The following FAF1 variants were observed in gnomAD, a reference collection of about 807,000 sequenced individuals.
FAF1 encodes FAS-associated factor 1.
Under a neutral mutation model 92.5 loss-of-function variants are expected in FAF1, and 25 were observed. That is an observed-to-expected ratio of 0.27 (90% CI 0.20 to 0.38). FAF1 has a LOEUF of 0.38. FAF1 is among the 10% of genes least tolerant of loss of function. The pLI is 1.00. For synonymous variants in FAF1, 234 were observed against 273.2 expected (o/e 0.86, Z 1.42); for missense variants, 636 against 793.3 (o/e 0.80, Z 2.38).
intron 1 of FAF1, among the ~76,000 whole-genome samples, chr1:50,933,528 T>C (rs532615730): frequency 4.6e-5 from 7 of 152,350 alleles, no homozygotes; most frequent in Non-Finnish European, 1.0e-4. Context: ...AATAGTATTT[T>C]TGTCAAAGCC....
chr1:50,770,751 A>T (rs185305860), intron 4 of FAF1, among the ~76,000 whole-genome samples: 1 of 152,334 alleles, frequency 6.6e-6, no homozygotes, highest in East Asian at 1.9e-4. Context: ...AGAAAAGACT[A>T]TTTTAAAATT....
At chr1:50,903,662 G>T (rs1161969778) in intron 1 of FAF1, among the ~76,000 whole-genome samples, 1 of 152,108 alleles carries the variant, frequency 6.6e-6, no homozygotes, top group Non-Finnish European at 1.5e-5. Context: ...AAAGATAAAA[G>T]AAAAAATTCA....
chr1:50,717,048 G>A (rs1343228855), intron 6 of FAF1, among the ~76,000 whole-genome samples: 2 of 152,118 alleles, frequency 1.3e-5, no homozygotes, highest in Non-Finnish European at 2.9e-5. Context: ...CACATCTGAA[G>A]GAACAAACTC....
chr1:50,618,435 G>A (rs372172521), intron 8 of FAF1, among the ~76,000 whole-genome samples: 1 of 46,578 alleles, frequency 2.1e-5, no homozygotes, highest in Non-Finnish European at 4.5e-5. Context: ...TTTTTTTTTT[G>A]TATTTTCAGT....
At chr1:50,845,439 T>C (rs1337195607) in intron 2 of FAF1, among the ~76,000 whole-genome samples, 1 of 152,182 alleles carries the variant, frequency 6.6e-6, no homozygotes, top group African/African-American at 2.4e-5. Context: ...TAAAACCTTG[T>C]ACACAGCCTG....
intron 8 of FAF1, among the ~76,000 whole-genome samples, chr1:50,607,801 C>T (rs1481433270): frequency 1.3e-5 from 2 of 152,220 alleles, no homozygotes; most frequent in East Asian, 3.8e-4. Flanking sequence ...AGATAAACCT[C>T]ATTTATTCAG....
chr1:50,471,819 C>T (rs1646576361), intron 18 of FAF1, among the ~76,000 whole-genome samples: 1 of 151,870 alleles, frequency 6.6e-6, no homozygotes, highest in Non-Finnish European at 1.5e-5. Flanking sequence ...CAGAGCTCCT[C>T]TGAGGGATGT....
chr1:50,731,075 G>C (rs1173494576), intron 6 of FAF1, among the ~76,000 whole-genome samples: 2 of 152,206 alleles, frequency 1.3e-5, no homozygotes, highest in African/African-American at 4.8e-5. Context: ...CAGGCTCCTA[G>C]AGCCAGAGTG....
chr1:50,914,286 G>C (rs758071856), intron 1 of FAF1, among the ~76,000 whole-genome samples: 1 of 152,080 alleles, frequency 6.6e-6, no homozygotes, highest in Non-Finnish European at 1.5e-5. Context: ...GAGGAAATTT[G>C]GTTTATGATA....
chr1:50,940,865 T>C (rs561606663), intron 1 of FAF1, among the ~76,000 whole-genome samples: 20 of 152,270 alleles, frequency 1.3e-4, no homozygotes, highest in Admixed American at 1.2e-3. Flanking sequence ...GAAGATTTTG[T>C]TTCTCCATCT....
intron 2 of FAF1, among the ~76,000 whole-genome samples, chr1:50,831,805 CAAAAAAAA>C (rs1157102526): frequency 2.6e-4 from 21 of 81,726 alleles, no homozygotes; most frequent in Admixed American, 5.5e-4. Context: ...TTATCAGAGA[CAAAAAAAA>C]AAAAAAAAAA....
intron 1 of FAF1, among the ~76,000 whole-genome samples, chr1:50,899,572 C>G (rs1415539167): frequency 6.6e-6 from 1 of 152,172 alleles, no homozygotes; most frequent in Non-Finnish European, 1.5e-5. Context: ...CCTGCCTCAG[C>G]CTCCCGAGTA....
At chr1:50,663,927 T>A (rs1655504989) in intron 7 of FAF1, among the ~76,000 whole-genome samples, 1 of 151,536 alleles carries the variant, frequency 6.6e-6, no homozygotes, top group Non-Finnish European at 1.5e-5. Context: ...GAGAAGATAC[T>A]ACCTCTTTAC....
At chr1:50,643,723 G>T (rs913938436) in intron 8 of FAF1, among the ~76,000 whole-genome samples, 2 of 152,190 alleles carry the variant, frequency 1.3e-5, no homozygotes, top group Non-Finnish European at 2.9e-5. Context: ...GTCCTGAGTA[G>T]TTGGGATTAC....
intron 7 of FAF1, among the ~76,000 whole-genome samples, chr1:50,694,086 A>AT (rs994631071): frequency 1.6e-4 from 21 of 133,710 alleles, no homozygotes; most frequent in African/African-American, 7.7e-4. Context: ...ACATATATAT[A>AT]AAAAAAACTG....
At chr1:50,620,090 G>A (rs1291482770) in intron 8 of FAF1, among the ~76,000 whole-genome samples, 1 of 151,998 alleles carries the variant, frequency 6.6e-6, no homozygotes. Flanking sequence ...TGTATTTTTA[G>A]TAAAGACAGG....
chr1:50,727,383 T>C (rs998118077), intron 6 of FAF1, among the ~76,000 whole-genome samples: 2 of 152,236 alleles, frequency 1.3e-5, no homozygotes, highest in African/African-American at 4.8e-5. Flanking sequence ...CATTGTAGGA[T>C]GATACTCAAT....
chr1:50,670,276 T>C (rs1054226509), intron 7 of FAF1, among the ~76,000 whole-genome samples: 3 of 152,092 alleles, frequency 2.0e-5, no homozygotes, highest in Admixed American at 2.0e-4. Flanking sequence ...TTTGTAGCGA[T>C]GGGATTTCGC....
At chr1:50,524,886 A>T (rs1176351863) in intron 15 of FAF1, among the ~76,000 whole-genome samples, 5 of 151,696 alleles carry the variant, frequency 3.3e-5, no homozygotes, top group Non-Finnish European at 7.4e-5. Context: ...TTTTGGTCCC[A>T]TATGAATTTT....
Sources: allele counts gnomAD v4.1 joint callset (sites outside exome capture counted in the v4.1 genomes callset), GRCh38; gene constraint gnomAD v4.1.1; transcripts MANE v1.5; gene names NCBI Gene and HGNC (gene_info 2026-07-23, HGNC 2026-07-21).